The following FRK variants were observed in gnomAD, a reference collection of about 807,000 sequenced individuals.
FRK encodes the protein fyn related Src family tyrosine kinase, also known as tyrosine-protein kinase FRK.
FRK carries 51 observed loss-of-function variants against 56.4 expected under a neutral mutation model. That is an observed-to-expected ratio of 0.90 (90% confidence interval 0.72 to 1.14). FRK has a LOEUF of 1.14. Ranked by LOEUF, FRK falls within the 50% of genes most tolerant of loss-of-function variation. The pLI is 0.00. For synonymous variants in FRK, 245 were observed against 217.9 expected, an observed-to-expected ratio of 1.12 and a Z score of -1.10; for missense variants, 570 against 601.4, an observed-to-expected ratio of 0.95 and a Z score of 0.55.
chr6:116,060,367 C>A lies in FRK; in HGVS notation c.-56G>T. On this transcript the variant is annotated 5_prime_UTR_variant, in exon 1 of 8. Coordinates refer to ENST00000606080, the MANE Select transcript of FRK (RefSeq NM_002031.3). ...CTTCTCCCTCTCCCCTTAGTCTCTG[C>A]GATCCACCTTATCTTCCTTCACCAG... 3 of 1,389,888 alleles carry A rather than the reference C, an allele frequency of 2.2e-6. No homozygotes were observed. Among genetic ancestry groups the A allele is most frequent in the Non-Finnish European group, 2.0e-6 (2 of 1,003,056 alleles). 86.1% of individuals were successfully genotyped at this position (1,389,888 alleles called of 1,614,324 possible).
intron 1 of FRK, among the ~76,000 whole-genome samples, chr6:116,053,836 A>T (rs1317725846): frequency 6.6e-6 from 1 of 151,982 alleles, no homozygotes; most frequent in East Asian, 1.9e-4. Flanking sequence ...CCTAGAAAAG[A>T]CTCCTAACTC....
chr6:116,068,233 G>A, the FRK span, among the ~76,000 whole-genome samples: 201 of 152,220 alleles, frequency 1.3e-3, no homozygotes, highest in African/African-American at 4.7e-3. Context: ...TTTAATATTT[G>A]CAGCAGATGG....
intron 1 of FRK, among the ~76,000 whole-genome samples, chr6:116,021,993 C>T (rs908453899): frequency 6.6e-6 from 1 of 151,536 alleles, no homozygotes; most frequent in Non-Finnish European, 1.5e-5. Flanking sequence ...AAAGAGGAGA[C>T]CATCACAGAT....
chr6:115,977,148 G>C (rs1441157314), intron 2 of FRK, among the ~76,000 whole-genome samples: 5 of 152,084 alleles, frequency 3.3e-5, no homozygotes, highest in Non-Finnish European at 7.4e-5. Flanking sequence ...ACACCAATAA[G>C]TGAATAACAT....
At chr6:116,051,408 A>G (rs541325618) in intron 1 of FRK, among the ~76,000 whole-genome samples, 14 of 152,294 alleles carry the variant, frequency 9.2e-5, no homozygotes, top group African/African-American at 3.4e-4. Flanking sequence ...ATATTCAACT[A>G]AAAAACTTTG....
intron 2 of FRK, among the ~76,000 whole-genome samples, chr6:116,001,612 C>T (rs1010700619): frequency 2.6e-4 from 39 of 152,280 alleles, no homozygotes; most frequent in African/African-American, 8.7e-4. Context: ...TCAACTTTGA[C>T]AAACAATCAA....
At chr6:116,100,205 A>G in the FRK span, among the ~76,000 whole-genome samples, 1 of 152,232 alleles carries the variant, frequency 6.6e-6, no homozygotes, top group Non-Finnish European at 1.5e-5. Context: ...GTAATAACCA[A>G]TATTGGTTTC....
intron 1 of FRK, among the ~76,000 whole-genome samples, chr6:116,014,969 C>T (rs762799393): frequency 1.3e-5 from 2 of 151,984 alleles, no homozygotes; most frequent in Non-Finnish European, 2.9e-5. Context: ...ATTAAATTCT[C>T]AGAAATGCCT....
chr6:115,961,236 T>G (rs1481213626), intron 4 of FRK, among the ~76,000 whole-genome samples: 1 of 108,612 alleles, frequency 9.2e-6, no homozygotes, highest in Non-Finnish European at 1.8e-5. Context: ...GCTCGAGAAC[T>G]ACGTGAAGAA....
At chr6:115,976,149 G>A (rs1773984149) in intron 2 of FRK, among the ~76,000 whole-genome samples, 1 of 151,960 alleles carries the variant, frequency 6.6e-6, no homozygotes, top group African/African-American at 2.4e-5. Context: ...CTTCTAACAT[G>A]GTAAGGTCTT....
At chr6:116,004,493 T>G (rs1290452654) in intron 1 of FRK, among the ~76,000 whole-genome samples, 3 of 152,194 alleles carry the variant, frequency 2.0e-5, no homozygotes, top group African/African-American at 7.2e-5. Context: ...ATTAGTTCCT[T>G]TCTTTTCCCA....
In FRK at chr6:115,938,886, C is replaced by CAGAGGTACAA. The variant is rs1242631114; in HGVS notation, c.*3518_*3527dup. On this transcript the variant is annotated 3_prime_UTR_variant, in exon 8 of 8. Coordinates refer to ENST00000606080, the MANE Select transcript of FRK (RefSeq NM_002031.3). ...AGATAGATTCACAGCCGAATTCTAC[C>CAGAGGTACAA]AGAGGTACAAAGAGGTACAAAGCTA... 6.6e-6 allele frequency: 1 copy of CAGAGGTACAA among 152,100 alleles called. No homozygotes were observed. Among genetic ancestry groups the CAGAGGTACAA allele is most frequent in the Non-Finnish European group, 1.5e-5 (1 of 68,034 alleles). 9.4% of individuals were successfully genotyped at this position (152,100 alleles called of 1,614,324 possible).
At chr6:116,006,811 G>C (rs1340469568) in intron 1 of FRK, among the ~76,000 whole-genome samples, 1 of 152,072 alleles carries the variant, frequency 6.6e-6, no homozygotes, top group Non-Finnish European at 1.5e-5. Flanking sequence ...TTCAGCCTGG[G>C]TGACATAGAA....
At chr6:116,038,701 A>G in intron 1 of FRK, 2 of 416,742 alleles carry the variant, frequency 4.8e-6, no homozygotes, top group South Asian at 4.1e-5. Flanking sequence ...ATAATCCCCA[A>G]CCTAGAAAAT....
chr6:115,999,740 CTTAGCAGTAATCAACAG>C (rs1334253603), intron 2 of FRK, among the ~76,000 whole-genome samples: 1 of 152,142 alleles, frequency 6.6e-6, no homozygotes, highest in Non-Finnish European at 1.5e-5. Flanking sequence ...TCTGAAGATC[CTTAGCAGTAATCAACAG>C]TCAGCAATTG....
chr6:115,958,588 A>G lies in FRK; in HGVS notation c.800-1978T>C, dbSNP rs183242043. On this transcript the variant is annotated intron_variant, in intron 4 of 7. Coordinates refer to ENST00000606080, the MANE Select transcript of FRK (RefSeq NM_002031.3). ...GGTTACAGTGAGCTGAGATCACACC[A>G]TTGCACTCCAGCCTGGGAAATAGAG... Among the ~76,000 whole-genome samples, 119 of 150,168 alleles carry G rather than the reference A, an allele frequency of 7.9e-4. 1 individual carries two copies. The highest frequency in any genetic ancestry group is 3.4e-3 in the Middle Eastern group (1 of 292).
chr6:116,068,179 A>C, the FRK span, among the ~76,000 whole-genome samples: 5 of 152,232 alleles, frequency 3.3e-5, no homozygotes, highest in Non-Finnish European at 2.9e-5. Context: ...TTATAATCAG[A>C]GGAAAACAAT....
chr6:116,096,430 TAATCAGCACTCTGTAAAAACACACC>T, the FRK span, among the ~76,000 whole-genome samples: 6 of 152,332 alleles, frequency 3.9e-5, no homozygotes, highest in East Asian at 1.2e-3. Flanking sequence ...GTAAATGCAC[TAATCAGCACTCTGTAAAAACACACC>T]AATCAGCACT....
chr6:116,016,700 C>A (rs1479345851), intron 1 of FRK, among the ~76,000 whole-genome samples: 1 of 152,168 alleles, frequency 6.6e-6, no homozygotes, highest in African/African-American at 2.4e-5. Context: ...TCAGAACAAG[C>A]ACACACGTTC....
Sources: allele counts gnomAD v4.1 joint callset (sites outside exome capture counted in the v4.1 genomes callset), GRCh38; gene constraint gnomAD v4.1.1; transcripts MANE v1.5; gene names NCBI Gene and HGNC (gene_info 2026-07-23, HGNC 2026-07-21).